Variants in TBC1D21 observed in about 807,000 individuals in gnomAD.
The protein encoded by TBC1D21 is TBC1 domain family member 21, also known as male germ cell Rab GTPase-activating protein.
In TBC1D21, 38 loss-of-function variants were observed where a neutral mutation model predicts 46.0. The ratio of observed to expected loss-of-function variants is 0.83; its 90% CI spans 0.64 to 1.08. The LOEUF (loss-of-function observed/expected upper bound fraction) is 1.08, where lower values mean the gene tolerates loss of function less well. Among genes scored for constraint, TBC1D21 ranks in the 50% least tolerant of loss-of-function variants. The pLI, the probability that TBC1D21 is intolerant of heterozygous loss-of-function variation, is 0.00. For missense variants in TBC1D21, 415 were observed against 417.9 expected, an observed-to-expected ratio of 0.99 and a Z score of 0.06; for synonymous variants, 151 against 157.2, an observed-to-expected ratio of 0.96 and a Z score of 0.29.
At chr15:73,898,880 A>AAAAAAAAAAATATATATATATATATAT in the TBC1D21 span, among the ~76,000 whole-genome samples, 4 of 56,794 alleles carry the variant, frequency 7.0e-5, no homozygotes, top group Non-Finnish European at 1.5e-4. Flanking sequence ...AAAAAAAAAA[A>AAAAAAAAAAATATATATATATATATAT]ATATATATAT....
Position 73,889,178 on chromosome 15 carries a change from A to G in TBC1D21, c.*77A>G. On this transcript the variant is annotated 3_prime_UTR_variant, in exon 11 of 11. Coordinates refer to ENST00000300504, the MANE Select transcript of TBC1D21 (RefSeq NM_153356.3). ...CAGGGGCACTGGAGTGAGGGAGTAG[A>G]TAAAACAGCTGCAATATAAACAGTC... 1 of 1,497,458 alleles carries G rather than the reference A, an allele frequency of 6.7e-7. No homozygotes were observed. The highest frequency in any genetic ancestry group is 9.2e-7 in the Non-Finnish European group (1 of 1,085,566). 92.8% of individuals were successfully genotyped at this position (1,497,458 alleles called of 1,614,324 possible).
At chr15:73,895,240 C>A in the TBC1D21 span, among the ~76,000 whole-genome samples, 1 of 151,888 alleles carries the variant, frequency 6.6e-6, no homozygotes. Flanking sequence ...GGTTTGACTC[C>A]TTCCTTCCAC....
At chr15:73,884,296 A>G in intron 4 of TBC1D21, 51 bp downstream of exon 4, 1 of 1,511,718 alleles carries the variant, frequency 6.6e-7, no homozygotes, top group Non-Finnish European at 9.2e-7. Flanking sequence ...CTTGAAGCCA[A>G]CCCTGCCCCC....
chr15:73,889,282 CG>C, downstream of TBC1D21: 1 of 674,158 alleles, frequency 1.5e-6, no homozygotes, highest in Non-Finnish European at 2.5e-6. Flanking sequence ...GAGACAGGGT[CG>C]TACGATAGGA....
At chr15:73,897,173 A>C in the TBC1D21 span, among the ~76,000 whole-genome samples, 18,104 of 152,162 alleles carry the variant, frequency 0.12, 1,409 homozygotes, top group South Asian at 0.21. Context: ...CTAGAAGGCC[A>C]GACCCTAAGT....
chr15:73,887,643 C>A lies in TBC1D21; in HGVS notation c.801C>A (p.Cys267Ter), dbSNP rs779906334. ...LWEVLLTGKPCRNFQVLVAYS... is the reference protein window; with the variant it reads ...LWEVLLTGKP ...AGGTTCTGCTGACGGGGAAGCCCTG[C>A]AGGAACTTCCAGGTGCTGGTGGCCT... Residue 267 changes from cysteine to a stop codon, truncating the protein, a stop_gained, in exon 9 of 11, where the codon TGC becomes TGA. Transcript: ENST00000300504. LOFTEE classifies it high-confidence loss of function. 7.4e-6 allele frequency: 12 copies of A among 1,614,068 alleles called. No individual in the cohort carries two copies. Among genetic ancestry groups the A allele is most frequent in the Non-Finnish European group, 8.5e-6 (10 of 1,179,984 alleles).
chr15:73,896,622 A>T, the TBC1D21 span, among the ~76,000 whole-genome samples: 1 of 152,148 alleles, frequency 6.6e-6, no homozygotes, highest in Admixed American at 6.5e-5. Context: ...GGTAAACTTG[A>T]ATAAGAGATA....
intron 3 of TBC1D21, among the ~76,000 whole-genome samples, chr15:73,883,854 A>G (rs2068196113): frequency 6.6e-6 from 1 of 152,224 alleles, no homozygotes; most frequent in Non-Finnish European, 1.5e-5. Context: ...CGTGTCCCCA[A>G]GACTTGCCCC....
the TBC1D21 span, among the ~76,000 whole-genome samples, chr15:73,907,350 G>A: frequency 6.6e-6 from 1 of 152,176 alleles, no homozygotes; most frequent in South Asian, 2.1e-4. Flanking sequence ...GTTCATCTTT[G>A]GTGGGGTCTG....
intron 9 of TBC1D21, among the ~76,000 whole-genome samples, 194 bp from the exon 10 acceptor site, chr15:73,888,236 C>T (rs912014786): frequency 5.3e-5 from 8 of 152,372 alleles, no homozygotes; most frequent in African/African-American, 1.7e-4. Context: ...TGAAAGCTAA[C>T]ATTTACCATT....
In TBC1D21 at chr15:73,886,230, C is replaced by G; in HGVS notation, c.676+56C>G. The stretch of plus-strand genomic sequence containing the variant: ...GCACCCCCCAGGCATGGGAAGGGGG[C>G]TGGGACCCAACTGTCAGTCCCTAAT... On this transcript the variant is annotated intron_variant, in intron 7 of 10. Transcript: ENST00000300504. 2.0e-6 allele frequency: 3 copies of G among 1,492,274 alleles called. No individual in the cohort carries two copies. The Admixed American group carries it at 5.1e-5, about 25-fold the overall frequency. The allele number at this position is 1,492,274 out of a possible 1,614,324, so 92.4% of individuals were successfully genotyped here. A position where few individuals can be genotyped will look rare whatever the true frequency, so the allele number is the denominator to read the frequency against.
chr15:73,887,368 GA>G (rs1206567682), intron 8 of TBC1D21, among the ~76,000 whole-genome samples: 1 of 151,492 alleles, frequency 6.6e-6, no homozygotes, highest in Non-Finnish European at 1.5e-5. Flanking sequence ...TCTATCTAAT[GA>G]ATTCCCTGAA....
intron 1 of TBC1D21, among the ~76,000 whole-genome samples, chr15:73,878,104 A>C (rs1407153054): frequency 6.6e-6 from 1 of 152,236 alleles, no homozygotes; most frequent in Non-Finnish European, 1.5e-5. Context: ...AGGTATTCAT[A>C]CTTGAAAGGA....
At chr15:73,876,227 T>G (rs12708510) in intron 1 of TBC1D21, among the ~76,000 whole-genome samples, 390 of 27,344 alleles carry the variant, frequency 0.014, 17 homozygotes, top group East Asian at 0.1. Context: ...TTTTTTTTTT[T>G]TTTTTTTTTT....
In TBC1D21 at chr15:73,886,624, A is replaced by G. The variant is rs1189580113; in HGVS notation, c.777+12A>G. 1.2e-6 allele frequency: 2 copies of G among 1,611,982 alleles called. No homozygotes were observed. Among genetic ancestry groups the G allele is most frequent in the Non-Finnish European group, 1.7e-6 (2 of 1,178,932 alleles). Reference sequence around the variant, plus strand: ...GGAGGCTCTGGGAGGTGAGGTGTCCAGCTAGGGATCATCAGGCTGGGCTCC... The same window carrying G: ...GGAGGCTCTGGGAGGTGAGGTGTCCGGCTAGGGATCATCAGGCTGGGCTCC... On this transcript the variant is annotated intron_variant, in intron 8 of 10. Transcript: ENST00000300504.
At chr15:73,876,860 A>T (rs1341309070) in intron 1 of TBC1D21, among the ~76,000 whole-genome samples, 1 of 152,262 alleles carries the variant, frequency 6.6e-6, no homozygotes, top group East Asian at 1.9e-4. Flanking sequence ...TGTAAGATAC[A>T]TATTTTTTAT....
chr15:73,908,194 G>C, the TBC1D21 span: 1 of 152,216 alleles, frequency 6.6e-6, no homozygotes, highest in Non-Finnish European at 1.5e-5. Context: ...TGTCAAATGT[G>C]CTTCCTGGGG....
In TBC1D21 at chr15:73,873,877, G is replaced by A. The variant is rs2068012274; in HGVS notation, c.60+108G>A. 6 of 1,320,642 alleles carry A rather than the reference G, an allele frequency of 4.5e-6. No individual in the cohort carries two copies. In the South Asian group the frequency reaches 6.3e-5, roughly 14 times the overall value. 81.8% of individuals were successfully genotyped at this position (1,320,642 alleles called of 1,614,324 possible). On this transcript the variant is annotated intron_variant, in intron 1 of 10. Transcript: ENST00000300504. ...AAAGCTAGAACCCTGAGCTAACATA[G>A]AAGGTGGAGCAAGGGCGGTTGTACC...
downstream of TBC1D21, among the ~76,000 whole-genome samples, chr15:73,889,721 C>T (rs1049220711): frequency 3.3e-5 from 5 of 152,246 alleles, no homozygotes; most frequent in African/African-American, 7.2e-5. Flanking sequence ...CTTCATTTAT[C>T]AGCCTGCAAA....
Sources: gnomAD v4.1 joint callset for allele counts (sites outside exome capture counted in the v4.1 genomes callset) on GRCh38, gnomAD v4.1.1 for gene constraint, MANE v1.5 for transcripts, NCBI Gene and HGNC (gene_info 2026-07-23, HGNC 2026-07-21) for gene names.